Variants in FAP observed in about 807,000 individuals in gnomAD.
FAP encodes the protein prolyl endopeptidase FAP.
FAP carries 110 observed loss-of-function variants against 126.5 expected under a neutral mutation model. That is an observed-to-expected ratio of 0.87 (90% confidence interval 0.74 to 1.02). FAP has a LOEUF of 1.02. Among genes scored for constraint, FAP ranks in the 50% least tolerant of loss-of-function variants. The pLI, the probability that FAP is intolerant of heterozygous loss-of-function variation, is 0.00. For missense variants in FAP, 919 were observed against 909.2 expected (o/e 1.01, Z -0.14); for synonymous variants, 334 against 297.3 (o/e 1.12, Z -1.27).
chr2:162,187,918 T>C (rs914593955), intron 20 of FAP, among the ~76,000 whole-genome samples: 1 of 152,112 alleles, frequency 6.6e-6, no homozygotes, highest in African/African-American at 2.4e-5. Context: ...TTGGAATGAA[T>C]GACAACACAT....
chr2:162,215,803 C>T, intron 10 of FAP, 95 bp downstream of exon 10: 1 of 818,040 alleles, frequency 1.2e-6, no homozygotes, highest in Non-Finnish European at 2.0e-6. Flanking sequence ...TTGTGTGCAA[C>T]TCTTATCTAC....
chr2:162,179,861 T>A (rs1687635660), intron 21 of FAP, among the ~76,000 whole-genome samples: 1 of 148,246 alleles, frequency 6.7e-6, no homozygotes, highest in South Asian at 2.1e-4. Flanking sequence ...CAGGCTGGAG[T>A]ACAATGGTGC....
At chr2:162,223,550 G>T in intron 6 of FAP, 58 bp downstream of exon 6, 1 of 1,094,990 alleles carries the variant, frequency 9.1e-7, no homozygotes, top group Non-Finnish European at 1.4e-6. Flanking sequence ...TCATAGTTTG[G>T]AATGAAAACA....
chr2:162,214,313 C>T (rs1019494068), intron 10 of FAP, among the ~76,000 whole-genome samples: 5 of 151,884 alleles, frequency 3.3e-5, no homozygotes, highest in African/African-American at 2.4e-5. Flanking sequence ...GTTTTCTCCC[C>T]GTTTCTGGAT....
chr2:162,183,348 C>T (rs544037890), intron 21 of FAP, 66 bp downstream of exon 21: 226 of 1,193,662 alleles, frequency 1.9e-4, no homozygotes, highest in African/African-American at 1.2e-3. Context: ...ACCTTCTAAA[C>T]GAACACTTCA....
At chr2:162,190,185 C>T (rs1460074889) in intron 17 of FAP, among the ~76,000 whole-genome samples, 2 of 151,918 alleles carry the variant, frequency 1.3e-5, no homozygotes, top group African/African-American at 4.8e-5. Flanking sequence ...TTGTGTATTT[C>T]CAAAATTTGC....
chr2:162,201,803 C>A (rs1460926916), intron 14 of FAP, among the ~76,000 whole-genome samples: 7 of 152,174 alleles, frequency 4.6e-5, no homozygotes, highest in Admixed American at 4.6e-4. Flanking sequence ...CTCAGAGCAT[C>A]TATTACATTG....
rs1287822409 is a variant in FAP at position 162,188,188 on chromosome 2, C to A, written c.1795G>T (p.Asp599Tyr). Residue 599 changes from aspartate to tyrosine, a missense_variant, in exon 20 of 26, where the codon GAC becomes TAC. By Grantham distance (160) the Asp-to-Tyr change is radical. Transcript: ENST00000188790. ...GCTCACCTGACAGCTGTAATCTGGT[C>A]TTCAACTTCATAAACACCCAGCTTT... ...YRKLGVYEVE[D>Y]QITAVRKFIE... 3.1e-6 allele frequency: 5 copies of A among 1,612,790 alleles called. No individual in the cohort carries two copies. In the South Asian group the frequency reaches 5.5e-5, roughly 18 times the overall value.
intron 12 of FAP, 129 bp downstream of exon 12, chr2:162,209,823 G>T: frequency 1.3e-6 from 1 of 760,974 alleles, no homozygotes; most frequent in Non-Finnish European, 2.2e-6. Flanking sequence ...CTACCTATGT[G>T]TTTTATACCT....
chr2:162,225,101 G>A (rs1260114800), intron 4 of FAP, among the ~76,000 whole-genome samples: 1 of 152,096 alleles, frequency 6.6e-6, no homozygotes, highest in African/African-American at 2.4e-5. Flanking sequence ...ACCAAAAGAG[G>A]CATTATTATT....
intron 16 of FAP, chr2:162,197,698 C>T: frequency 2.2e-6 from 1 of 455,244 alleles, no homozygotes; most frequent in South Asian, 1.6e-5. Flanking sequence ...TTAGGGTAGC[C>T]TTCATTCTGG....
chr2:162,179,812 ATTT>A (rs1206502227), intron 21 of FAP, among the ~76,000 whole-genome samples: 76 of 90,544 alleles, frequency 8.4e-4, no homozygotes, highest in African/African-American at 2.5e-3. Context: ...ATATATATAT[ATTT>A]TTTTTTTTTT....
intron 19 of FAP, among the ~76,000 whole-genome samples, chr2:162,188,729 G>T (rs575947473): frequency 6.6e-6 from 1 of 151,906 alleles, no homozygotes; most frequent in South Asian, 2.1e-4. Flanking sequence ...ACTGATTTTG[G>T]GTGTGATTCC....
chr2:162,240,047 G>C (rs1039866954), intron 2 of FAP, among the ~76,000 whole-genome samples: 1 of 152,140 alleles, frequency 6.6e-6, no homozygotes, highest in Non-Finnish European at 1.5e-5. Context: ...TCTCAGCCTT[G>C]TTGCATATTC....
At chr2:162,231,026 T>C (rs979030034) in intron 2 of FAP, among the ~76,000 whole-genome samples, 1 of 152,190 alleles carries the variant, frequency 6.6e-6, no homozygotes, top group Non-Finnish European at 1.5e-5. Context: ...CCTCCTTTAA[T>C]GTTTGTCCCC....
At chr2:162,179,934 G>A (rs554969028) in intron 21 of FAP, among the ~76,000 whole-genome samples, 2 of 151,548 alleles carry the variant, frequency 1.3e-5, no homozygotes, top group Non-Finnish European at 2.9e-5. Context: ...TCAGCTTCCT[G>A]AGTAGCTGGG....
At chr2:162,190,397 C>T (rs1366709597) in intron 17 of FAP, among the ~76,000 whole-genome samples, 2 of 149,536 alleles carry the variant, frequency 1.3e-5, no homozygotes, top group Non-Finnish European at 3.0e-5. Flanking sequence ...ATTGTGTATA[C>T]ACACACACAC....
chr2:162,205,032 C>T (rs1688649729), intron 12 of FAP, among the ~76,000 whole-genome samples: 1 of 152,182 alleles, frequency 6.6e-6, no homozygotes, highest in Non-Finnish European at 1.5e-5. Flanking sequence ...CCCAATGAGG[C>T]CGACTCCTAG....
intron 12 of FAP, among the ~76,000 whole-genome samples, chr2:162,207,274 G>A (rs1000593673): frequency 3.3e-5 from 5 of 152,288 alleles, no homozygotes; most frequent in African/African-American, 1.2e-4. Flanking sequence ...TCCATTTAAA[G>A]CAGGTGCCTT....
Sources: gnomAD v4.1 joint callset for allele counts (sites outside exome capture counted in the v4.1 genomes callset) on GRCh38, gnomAD v4.1.1 for gene constraint, MANE v1.5 for transcripts, NCBI Gene and HGNC (gene_info 2026-07-23, HGNC 2026-07-21) for gene names.